Variants in TWF1 observed in about 807,000 individuals in gnomAD.
TWF1 encodes the protein twinfilin-1.
A neutral mutation model predicts 47.9 loss-of-function variants in TWF1; 14 were observed. The ratio of observed to expected loss-of-function variants is 0.29; its 90% CI spans 0.19 to 0.46. The LOEUF is 0.46. Among genes scored for constraint, TWF1 ranks in the 20% least tolerant of loss-of-function variants. The pLI, the probability that TWF1 is intolerant of heterozygous loss-of-function variation, is 1.00. For synonymous variants in TWF1, 96 were observed against 139.2 expected, an observed-to-expected ratio of 0.69 and a Z score of 2.18; for missense variants, 281 against 409.3, an observed-to-expected ratio of 0.69 and a Z score of 2.70.
chr12:43,800,297 T>G (rs1043817542), intron 4 of TWF1, 138 bp downstream of exon 4: 11 of 600,540 alleles, frequency 1.8e-5, no homozygotes, highest in Non-Finnish European at 2.3e-5. Flanking sequence ...AACTTTAATA[T>G]TATATGAAAT....
intron 1 of TWF1, 143 bp downstream of exon 1, chr12:43,806,078 G>C (rs1047291929): frequency 7.9e-6 from 12 of 1,517,710 alleles, no homozygotes; most frequent in Non-Finnish European, 1.1e-5. Flanking sequence ...GGAGCGCGGA[G>C]AGGCGCCGAG....
chr12:43,800,607 T>G, intron 3 of TWF1, 77 bp from the exon 4 acceptor site: 1 of 1,127,816 alleles, frequency 8.9e-7, no homozygotes, highest in Non-Finnish European at 1.3e-6. Context: ...CTGAATATAT[T>G]AATATCCTGA....
At chr12:43,798,486 T>A (rs1942597264) in intron 5 of TWF1, 1 of 1,402,604 alleles carries the variant, frequency 7.1e-7, no homozygotes, top group Non-Finnish European at 9.4e-7. Context: ...AATTTTACTT[T>A]TAAAAAAATG....
rs1348922310 is a variant in TWF1 at position 43,806,093 on chromosome 12, G to A, written c.25+128C>T. The A allele has an allele frequency of 3.9e-6, 6 of 1,519,932 alleles. No individual in the cohort carries two copies. In the South Asian group the frequency reaches 6.0e-5, roughly 15 times the overall value. 94.2% of individuals were successfully genotyped at this position (1,519,932 alleles called of 1,614,324 possible). ...GGAGCGCGGAGAGGCGCCGAGGCCC[G>A]GCTCGCCCCGCGAGACCGACTTCCG... On this transcript the variant is annotated intron_variant, in intron 1 of 8. Transcript: ENST00000395510.
In TWF1 at chr12:43,795,737, C is replaced by T. The variant is rs760012768; in HGVS notation, c.901G>A (p.Asp301Asn). 2.5e-6 allele frequency: 4 copies of T among 1,613,796 alleles called. No individual in the cohort carries two copies. The highest frequency in any genetic ancestry group is 3.4e-6 in the Non-Finnish European group (4 of 1,179,784). The change falls in exon 9 of 9, where the codon GAT (aspartate) becomes AAT (asparagine). Residue 301 changes from aspartate (D) to asparagine (N), a missense_variant. Physicochemically the swap from Asp to Asn is conservative, Grantham distance 23. Transcript: ENST00000395510. ...TAAAGGAAGTCTGCAGTCAACTCAT[C>T]CCCATTGTCTATCTCGATCTGTAAA... ...VIRKIEIDNG[D>N]ELTADFLYEE...
chr12:43,806,301 G>C lies in TWF1; in HGVS notation c.-56C>G. The C allele has an allele frequency of 9.0e-6, 13 of 1,447,812 alleles. No individual in the cohort carries two copies. The highest frequency in any genetic ancestry group is 1.4e-5 in the South Asian group (1 of 73,760). 89.7% of individuals were successfully genotyped at this position (1,447,812 alleles called of 1,614,324 possible). A position where few individuals can be genotyped will look rare whatever the true frequency, so the allele number is the denominator to read the frequency against. On this transcript the variant is annotated 5_prime_UTR_variant, in exon 1 of 9. Coordinates refer to ENST00000395510, the MANE Select transcript of TWF1 (RefSeq NM_002822.5). ...CTGAGTGCAGCCAGCGGCCCCGGCC[G>C]GCGGCCCCAGGAAGTGGCTGCTCCT...
At chr12:43,806,050 G>T in intron 1 of TWF1, 171 bp downstream of exon 1, 6 of 1,518,674 alleles carry the variant, frequency 4.0e-6, no homozygotes, top group Non-Finnish European at 4.4e-6. Context: ...GACGCAGGCC[G>T]GCAGCGCCCG....
chr12:43,798,568 A>G (rs1276501992), intron 5 of TWF1: 2 of 1,527,638 alleles, frequency 1.3e-6, no homozygotes, highest in Non-Finnish European at 1.7e-6. Context: ...TGCATACCCC[A>G]ATATGATCCT....
chr12:43,802,508 T>C lies in TWF1; in HGVS notation c.104-44A>G, dbSNP rs371589985. ...AGAAAGATAGGTAAATGGTTTGAGATATCAAGTGGTAGTGTGATGAAGACT... is the reference window on the plus strand; with the variant it reads ...AGAAAGATAGGTAAATGGTTTGAGACATCAAGTGGTAGTGTGATGAAGACT... On this transcript the variant is annotated intron_variant, in intron 2 of 8. Coordinates refer to ENST00000395510, the MANE Select transcript of TWF1 (RefSeq NM_002822.5). The C allele has an allele frequency of 2.2e-4, 303 of 1,394,538 alleles. 1 individual carries two copies. The highest frequency in any genetic ancestry group is 4.0e-4 in the East Asian group (17 of 42,010). The allele number at this position is 1,394,538 out of a possible 1,614,324, so 86.4% of individuals were successfully genotyped here.
intron 2 of TWF1, among the ~76,000 whole-genome samples, chr12:43,803,076 G>C (rs1187684489): frequency 6.6e-6 from 1 of 152,138 alleles, no homozygotes; most frequent in Admixed American, 6.5e-5. Flanking sequence ...TACAGTAACA[G>C]TGAAGTTATA....
rs573691871 is a variant in TWF1 at position 43,794,182 on chromosome 12, C to T, written c.*1403G>A. 6.5e-6 allele frequency: 1 copy of T among 152,718 alleles called. No homozygotes were observed. Among genetic ancestry groups the T allele is most frequent in the Admixed American group, 6.5e-5 (1 of 15,292 alleles). The allele number at this position is 152,718 out of a possible 1,614,324, so 9.5% of individuals were successfully genotyped here. On this transcript the variant is annotated 3_prime_UTR_variant, in exon 9 of 9. Transcript: ENST00000395510. Reference sequence around the variant, plus strand: ...GTCTACGTGTACACCCATGGAACAACTTATATCTTTAGTAAACAAGTGCAA... The same window carrying T: ...GTCTACGTGTACACCCATGGAACAATTTATATCTTTAGTAAACAAGTGCAA...
intron 1 of TWF1, chr12:43,806,003 C>A: frequency 6.5e-7 from 1 of 1,529,668 alleles, no homozygotes; most frequent in Non-Finnish European, 8.8e-7. Context: ...TCGGATCAAT[C>A]TGCAACGTGA....
In TWF1 at chr12:43,805,970, A is replaced by G. The variant is rs570709499; in HGVS notation, c.25+251T>C. On this transcript the variant is annotated intron_variant, in intron 1 of 8. Coordinates refer to ENST00000395510, the MANE Select transcript of TWF1 (RefSeq NM_002822.5). The stretch of plus-strand genomic sequence containing the variant: ...CTTCAACCAGGCCGCCTCGAAAGCC[A>G]ATTTCCTTCGCTCCCCCGAATTTCG... 23 of 1,545,822 alleles carry G rather than the reference A, an allele frequency of 1.5e-5. No homozygotes were observed. In the East Asian group the frequency reaches 3.4e-4, roughly 23 times the overall value.
chr12:43,798,125 G>C (rs1308688602), intron 5 of TWF1, among the ~76,000 whole-genome samples: 1 of 152,038 alleles, frequency 6.6e-6, no homozygotes, highest in African/African-American at 2.4e-5. Flanking sequence ...AGTGTCATCA[G>C]ATTACACCAC....
intron 4 of TWF1, among the ~76,000 whole-genome samples, 198 bp downstream of exon 4, chr12:43,800,237 G>T (rs573867971): frequency 6.6e-6 from 1 of 152,198 alleles, no homozygotes; most frequent in Non-Finnish European, 1.5e-5. Context: ...ACTTGTCAAT[G>T]TCAAATAGAT....
At chr12:43,799,631 A>G (rs372278297) in intron 4 of TWF1, 129 bp from the exon 5 acceptor site, 5 of 522,358 alleles carry the variant, frequency 9.6e-6, no homozygotes, top group Admixed American at 7.6e-5. Flanking sequence ...ATGAATTTTA[A>G]TATCTTTTTA....
intron 8 of TWF1, among the ~76,000 whole-genome samples, chr12:43,796,743 T>G (rs936602952): frequency 6.6e-5 from 10 of 152,098 alleles, no homozygotes; most frequent in Admixed American, 3.3e-4. Context: ...AACAGAACTT[T>G]AAATCTTATT....
At chr12:43,805,488 G>A (rs1161210955) in intron 1 of TWF1, 10 of 454,232 alleles carry the variant, frequency 2.2e-5, no homozygotes, top group Admixed American at 9.4e-5. Context: ...CGAGTAACCC[G>A]GGGATATATT....
chr12:43,803,543 AAAT>A (rs1942701097), intron 2 of TWF1, among the ~76,000 whole-genome samples: 1 of 152,144 alleles, frequency 6.6e-6, no homozygotes, highest in Non-Finnish European at 1.5e-5. Context: ...TAAAACCAGA[AAAT>A]AATAACTTAG....
Sources: gnomAD v4.1 joint callset for allele counts (sites outside exome capture counted in the v4.1 genomes callset) on GRCh38, gnomAD v4.1.1 for gene constraint, MANE v1.5 for transcripts, NCBI Gene and HGNC (gene_info 2026-07-23, HGNC 2026-07-21) for gene names.